Variants in PCYOX1 observed in about 807,000 individuals in gnomAD.
PCYOX1 encodes prenylcysteine lyase.
A neutral mutation model predicts 46.4 loss-of-function variants in PCYOX1; 46 were observed. That is an observed-to-expected ratio of 0.99 (90% CI 0.78 to 1.27). The LOEUF (loss-of-function observed/expected upper bound fraction) is 1.27, where lower values mean the gene tolerates loss of function less well. Among genes scored for constraint, PCYOX1 ranks in the 50% most tolerant of loss-of-function variants. The pLI, the probability that PCYOX1 is intolerant of heterozygous loss-of-function variation, is 0.00. For synonymous variants in PCYOX1, 220 were observed against 231.8 expected (o/e 0.95, Z 0.46); for missense variants, 658 against 628.3 (o/e 1.05, Z -0.51).
At position 70,278,995 on chromosome 2, in the gene PCYOX1, G is replaced by T. The variant is rs1157495970; in HGVS notation, c.*1603G>T. Reference sequence around the variant, plus strand: ...CGCCTGTGGTCCCAGCTGCTCGGGAGGCTGAGGTGGGAGGATCACTTGAGC... The same window carrying T: ...CGCCTGTGGTCCCAGCTGCTCGGGATGCTGAGGTGGGAGGATCACTTGAGC... On this transcript the variant is annotated 3_prime_UTR_variant, in exon 6 of 6. Coordinates refer to ENST00000433351, the MANE Select transcript of PCYOX1 (RefSeq NM_016297.4). 1 of 152,012 alleles carries T rather than the reference G, an allele frequency of 6.6e-6. No homozygotes were observed. The highest frequency in any genetic ancestry group is 1.5e-5 in the Non-Finnish European group (1 of 68,010). The allele number at this position is 152,012 out of a possible 1,614,324, so 9.4% of individuals were successfully genotyped here.
intron 1 of PCYOX1, chr2:70,258,514 G>A: frequency 2.8e-6 from 1 of 361,306 alleles, no homozygotes; most frequent in Non-Finnish European, 5.0e-6. Context: ...GCGTGGACGG[G>A]GACAGGGGCG....
Position 70,278,266 on chromosome 2 carries a change from T to G in PCYOX1, c.*874T>G, listed in dbSNP as rs1189921317. 1.3e-5 allele frequency: 2 copies of G among 152,658 alleles called. No homozygotes were observed. The highest frequency in any genetic ancestry group is 1.3e-4 in the Admixed American group (2 of 15,266). The allele number at this position is 152,658 out of a possible 1,614,324, so 9.5% of individuals were successfully genotyped here. On this transcript the variant is annotated 3_prime_UTR_variant, in exon 6 of 6. Transcript: ENST00000433351. Reference sequence around the variant, plus strand: ...ACCCCCCCATAACCAGAGATTCAGATTCAAAGACTGAGGATAGGACCTTAG... The same window carrying G: ...ACCCCCCCATAACCAGAGATTCAGAGTCAAAGACTGAGGATAGGACCTTAG...
chr2:70,274,547 GTTTCTTTTCTTTTTTTT>G (rs1696643164), intron 3 of PCYOX1, among the ~76,000 whole-genome samples: 1 of 141,200 alleles, frequency 7.1e-6, no homozygotes, highest in Non-Finnish European at 1.5e-5. Context: ...TTCTTCCTTA[GTTTCTTTTCTTTTTTTT>G]TTTCTTTTTT....
At chr2:70,274,502 TCTA>T (rs1696642445) in intron 3 of PCYOX1, among the ~76,000 whole-genome samples, 1 of 151,646 alleles carries the variant, frequency 6.6e-6, no homozygotes, top group African/African-American at 2.4e-5. Context: ...TGGCCTTACT[TCTA>T]CTTTTTATTT....
intron 2 of PCYOX1, among the ~76,000 whole-genome samples, chr2:70,260,493 T>C (rs963326955): frequency 8.5e-5 from 13 of 152,092 alleles, no homozygotes; most frequent in African/African-American, 2.9e-4. Flanking sequence ...GCAGTGAGCC[T>C]TGCATGCCAC....
At chr2:70,258,853 C>T (rs1286351651) in intron 1 of PCYOX1, among the ~76,000 whole-genome samples, 1 of 152,264 alleles carries the variant, frequency 6.6e-6, no homozygotes, top group Non-Finnish European at 1.5e-5. Context: ...AGAATCTGTT[C>T]TCTTTCCACT....
chr2:70,267,786 A>G (rs554960532), intron 3 of PCYOX1, among the ~76,000 whole-genome samples: 2 of 125,436 alleles, frequency 1.6e-5, no homozygotes, highest in Non-Finnish European at 1.7e-5. Flanking sequence ...GTGGAGAGGG[A>G]GAGGGGGAGG....
chr2:70,277,371 GA>G lies in PCYOX1; in HGVS notation c.1500del (p.Lys500AsnfsTer16). 1 of 1,599,398 alleles carries G rather than the reference GA, an allele frequency of 6.3e-7. No individual in the cohort carries two copies. The highest frequency in any genetic ancestry group is 8.6e-7 in the Non-Finnish European group (1 of 1,169,080). ...DMIDQDGLYEKLKTEL is the reference protein window; with the variant it reads ...DMIDQDGLYEXLKTEL ...TGATTGATCAGGATGGCTTATATGA[GA>G]AACTTAAAACTGAACTATGAAGTGA... On this transcript the variant is annotated frameshift_variant, in exon 6 of 6. Transcript: ENST00000433351. LOFTEE classifies it high-confidence loss of function.
In PCYOX1 at chr2:70,258,357, C is replaced by G. The variant is rs184975355; in HGVS notation, c.112+81C>G. On this transcript the variant is annotated intron_variant, in intron 1 of 5. Coordinates refer to ENST00000433351, the MANE Select transcript of PCYOX1 (RefSeq NM_016297.4). ...GCCGCTGCGCAGTGCGCCCAGATCC[C>G]ACAGCCGCGACGCAGTCCAGCGGTG... The G allele has an allele frequency of 2.8e-3, 2,473 of 877,214 alleles. 56 individuals are homozygous for G. In the African/African-American group the frequency reaches 0.04, roughly 14 times the overall value. The allele number at this position is 877,214 out of a possible 1,614,324, so 54.3% of individuals were successfully genotyped here. A position where few individuals can be genotyped will look rare whatever the true frequency, so the allele number is the denominator to read the frequency against.
At position 70,275,079 on chromosome 2, in the gene PCYOX1, G is replaced by T; in HGVS notation, c.615G>T (p.Lys205Asn). ...LNRTLLETLQ[K>N]AGFSEKFLNE... ...GAACACTTCTTGAAACCTTGCAAAAGGCCGGCTTTTCTGAGAAGTTCCTCA... is the reference window on the plus strand; with the variant it reads ...GAACACTTCTTGAAACCTTGCAAAATGCCGGCTTTTCTGAGAAGTTCCTCA... The change falls in exon 4 of 6, where the codon AAG (lysine) becomes AAT (asparagine). Residue 205 changes from lysine (K) to asparagine (N), a missense_variant. By Grantham distance (94) the Lys-to-Asn change is moderately conservative. Transcript: ENST00000433351. The T allele has an allele frequency of 6.2e-7, 1 of 1,614,124 alleles. No individual in the cohort carries two copies. Among genetic ancestry groups the T allele is most frequent in the East Asian group, 2.2e-5 (1 of 44,888 alleles).
chr2:70,262,215 G>T (rs1469952017), intron 3 of PCYOX1, among the ~76,000 whole-genome samples: 4 of 152,042 alleles, frequency 2.6e-5, no homozygotes, highest in African/African-American at 4.8e-5. Context: ...GCCTAGGCTG[G>T]AGTGCAATGG....
chr2:70,260,367 G>A (rs927988585), intron 2 of PCYOX1, among the ~76,000 whole-genome samples: 1 of 152,152 alleles, frequency 6.6e-6, no homozygotes, highest in Non-Finnish European at 1.5e-5. Context: ...AACATAGTGA[G>A]ATCCTGTCTT....
rs181394689 is a variant in PCYOX1, at chr2:70,269,981, C to T, written c.495-4978C>T. ...CTGGTTTTATTTTTTATTTTTTTTT[C>T]TCTCTCTCTTTTTCTCTTTCTTTCT... On this transcript the variant is annotated intron_variant, in intron 3 of 5. Transcript: ENST00000433351. 7.5e-3 allele frequency among the ~76,000 whole-genome samples: 1,124 copies of T among 150,124 alleles called. 17 individuals are homozygous for T. Among genetic ancestry groups the T allele is most frequent in the African/African-American group, 0.025 (1,026 of 40,910 alleles).
At position 70,277,316 on chromosome 2, in the gene PCYOX1, C is replaced by G; in HGVS notation, c.1442C>G (p.Ala481Gly). 1.2e-6 allele frequency: 2 copies of G among 1,614,036 alleles called. No individual in the cohort carries two copies. The highest frequency in any genetic ancestry group is 1.7e-6 in the Non-Finnish European group (2 of 1,179,934). Residue 481 changes from alanine to glycine, a missense_variant, in exon 6 of 6, where the codon GCC becomes GGC. Coordinates refer to ENST00000433351, the MANE Select transcript of PCYOX1 (RefSeq NM_016297.4). ...AIAAHNAALLAYHRWNGHTDM... is the reference protein window; with the variant it reads ...AIAAHNAALLGYHRWNGHTDM... ...GCAGCCCACAACGCTGCACTCCTTG[C>G]CTATCACCGCTGGAACGGGCACACA...
chr2:70,275,151 G>A lies in PCYOX1; in HGVS notation c.687G>A (p.Thr229=), dbSNP rs761942957. ...TGAGGGTCAATTATGGCCAAAGCACGGACATCAATGCCTTTGTGGGTAAGC... is the reference window on the plus strand; with the variant it reads ...TGAGGGTCAATTATGGCCAAAGCACAGACATCAATGCCTTTGTGGGTAAGC... ...PVMRVNYGQS[T]DINAFVGAVS... Residue 229 remains threonine, a synonymous_variant, in exon 4 of 6, where the codon ACG becomes ACA. Coordinates refer to ENST00000433351, the MANE Select transcript of PCYOX1 (RefSeq NM_016297.4). 3.2e-5 allele frequency: 51 copies of A among 1,613,358 alleles called. No individual in the cohort carries two copies. In the Middle Eastern group the frequency reaches 9.9e-4, roughly 31 times the overall value.
At chr2:70,272,137 T>G (rs1696609984) in intron 3 of PCYOX1, among the ~76,000 whole-genome samples, 1 of 150,816 alleles carries the variant, frequency 6.6e-6, no homozygotes, top group Non-Finnish European at 1.5e-5. Context: ...TTTTTTTTTT[T>G]TTTTTTTGAG....
chr2:70,258,073 G>A (rs1696369907), upstream of PCYOX1: 1 of 1,041,926 alleles, frequency 9.6e-7, no homozygotes, highest in Non-Finnish European at 1.3e-6. Context: ...GGGGCTGGGC[G>A]GCCTGGGGGC....
At chr2:70,269,138 A>C (rs1029986423) in intron 3 of PCYOX1, among the ~76,000 whole-genome samples, 8 of 135,146 alleles carry the variant, frequency 5.9e-5, no homozygotes, top group Non-Finnish European at 9.7e-5. Flanking sequence ...ATGAAGGTTT[A>C]TTTCTGGGTT....
rs1369910393 is a variant in PCYOX1, at chr2:70,265,801, C to G, written c.494+4415C>G. ...CTGGGGACTTGTAAGATCCTTAACA[C>G]TTCTTGATCTGAGACTGATAGACTC... is the stretch of plus-strand genomic sequence containing the variant. On this transcript the variant is annotated intron_variant, in intron 3 of 5. Coordinates refer to ENST00000433351, the MANE Select transcript of PCYOX1 (RefSeq NM_016297.4). Among the ~76,000 whole-genome samples, 3 of 152,130 alleles carry G rather than the reference C, an allele frequency of 2.0e-5. No homozygotes were observed. In the South Asian group the frequency reaches 6.2e-4, roughly 31 times the overall value.
Sources: allele counts gnomAD v4.1 joint callset (sites outside exome capture counted in the v4.1 genomes callset), GRCh38; gene constraint gnomAD v4.1.1; transcripts MANE v1.5; gene names NCBI Gene and HGNC (gene_info 2026-07-23, HGNC 2026-07-21).